MTAP: variants seen among roughly 807,000 people sequenced by gnomAD.
MTAP encodes methylthioadenosine phosphorylase.
Under a neutral mutation model 33.6 loss-of-function variants are expected in MTAP, and 33 were observed. That is an observed-to-expected ratio of 0.98 (90% CI 0.74 to 1.31). The LOEUF (loss-of-function observed/expected upper bound fraction) is 1.31. Among genes scored for constraint, MTAP ranks in the 40% most tolerant of loss-of-function variants. The pLI is 0.00. For synonymous variants in MTAP, 148 were observed against 125.7 expected (o/e 1.18, Z -1.19); for missense variants, 367 against 360.0 (o/e 1.02, Z -0.16).
intron 1 of MTAP, among the ~76,000 whole-genome samples, chr9:21,908,330 A>G (rs1818506948): frequency 6.6e-6 from 1 of 152,124 alleles, no homozygotes; most frequent in Non-Finnish European, 1.5e-5. Context: ...ATAGTGTTGT[A>G]TGGTATGGAT....
At chr9:21,849,023 A>G (rs1279462227) in intron 5 of MTAP, among the ~76,000 whole-genome samples, 1 of 152,208 alleles carries the variant, frequency 6.6e-6, no homozygotes, top group African/African-American at 2.4e-5. Flanking sequence ...GGCCTACTGC[A>G]TTCCTACTTA....
At chr9:21,809,509 G>A (rs1824290747) in intron 1 of MTAP, among the ~76,000 whole-genome samples, 1 of 152,018 alleles carries the variant, frequency 6.6e-6, no homozygotes, top group Non-Finnish European at 1.5e-5. Flanking sequence ...CACGGTGGCA[G>A]CCTCCTGTCA....
rs1445264114 is a variant in MTAP at position 21,862,393 on chromosome 9, G to A, written c.*379G>A. On this transcript the variant is annotated 3_prime_UTR_variant, in exon 8 of 8. Transcript: ENST00000644715. ...TGGGACTCTTTGGTTATTTATTGAT[G>A]CGACTGTAAATTGGTACAGTATTTC... 1 of 169,824 alleles carries A rather than the reference G, an allele frequency of 5.9e-6. No individual in the cohort carries two copies. Among genetic ancestry groups the A allele is most frequent in the Non-Finnish European group, 1.2e-5 (1 of 80,832 alleles). The allele number at this position is 169,824 out of a possible 1,614,324, so 10.5% of individuals were successfully genotyped here.
intron 1 of MTAP, among the ~76,000 whole-genome samples, chr9:21,894,677 A>G (rs1367189762): frequency 6.6e-6 from 1 of 151,856 alleles, no homozygotes; most frequent in Non-Finnish European, 1.5e-5. Flanking sequence ...GCACACCAAT[A>G]TGGCACATGT....
intron 4 of MTAP, among the ~76,000 whole-genome samples, chr9:21,821,025 G>A (rs996951193): frequency 6.6e-6 from 1 of 152,170 alleles, no homozygotes; most frequent in African/African-American, 2.4e-5. Flanking sequence ...GAGATTTTGG[G>A]CTGAGACGAT....
intron 1 of MTAP, chr9:21,893,122 G>A (rs1239359628): frequency 2.0e-5 from 3 of 152,184 alleles, no homozygotes; most frequent in Non-Finnish European, 4.4e-5. Flanking sequence ...CATGGTGAAA[G>A]CAGTGTTAAG....
At chr9:21,895,703 C>G (rs375657748) in intron 1 of MTAP, among the ~76,000 whole-genome samples, 18 of 152,340 alleles carry the variant, frequency 1.2e-4, no homozygotes, top group Admixed American at 9.8e-4. Context: ...CACAGAGCCT[C>G]GCTCACTGCT....
At chr9:21,918,819 T>C (rs1463121196) in intron 1 of MTAP, among the ~76,000 whole-genome samples, 1 of 152,142 alleles carries the variant, frequency 6.6e-6, no homozygotes, top group East Asian at 1.9e-4. Flanking sequence ...CCTTCTGCCA[T>C]GATTGTGAGG....
At chr9:21,877,119 C>T (rs1826023336) in intron 1 of MTAP, among the ~76,000 whole-genome samples, 1 of 151,980 alleles carries the variant, frequency 6.6e-6, no homozygotes, top group South Asian at 2.1e-4. Context: ...CTTCTTGTGG[C>T]AGTTGTGAAT....
chr9:21,905,627 A>G (rs1818464513), intron 1 of MTAP, among the ~76,000 whole-genome samples: 2 of 146,592 alleles, frequency 1.4e-5, no homozygotes, highest in Admixed American at 6.8e-5. Flanking sequence ...GTGAGAGTTC[A>G]GGAAAGTGAA....
chr9:21,878,622 A>T lies in MTAP; in HGVS notation c.147+23752A>T, dbSNP rs554869742. Among the ~76,000 whole-genome samples, 9 of 152,282 alleles carry T rather than the reference A, an allele frequency of 5.9e-5. No individual in the cohort carries two copies. In the East Asian group the frequency reaches 1.5e-3, roughly 26 times the overall value. ...AGTGATCCACCTGCCTTGGCCTCCC[A>T]AAGTGCTGGGATTACAGGCATGAGC... On this transcript the variant is annotated intron_variant, in intron 1 of 1. Transcript: ENST00000577563.
chr9:21,823,048 A>G (rs1241995720), intron 4 of MTAP, among the ~76,000 whole-genome samples: 1 of 152,160 alleles, frequency 6.6e-6, no homozygotes, highest in Non-Finnish European at 1.5e-5. Context: ...GGTCTCCTGA[A>G]TACAGCACAC....
intron 1 of MTAP, chr9:21,811,826 TC>T: frequency 2.0e-6 from 1 of 497,938 alleles, no homozygotes. Context: ...CTTGATCAGA[TC>T]CTAGATAGCA....
intron 1 of MTAP, among the ~76,000 whole-genome samples, chr9:21,928,099 A>G (rs1563873971): frequency 6.6e-6 from 1 of 152,186 alleles, no homozygotes; most frequent in Non-Finnish European, 1.5e-5. Flanking sequence ...CCAATACACT[A>G]AGGAAGAAAT....
chr9:21,809,622 G>C (rs1038018364), intron 1 of MTAP, among the ~76,000 whole-genome samples: 3 of 149,304 alleles, frequency 2.0e-5, no homozygotes, highest in African/African-American at 5.1e-5. Context: ...CTGGGCGACA[G>C]AGTGAGACTC....
intron 4 of MTAP, among the ~76,000 whole-genome samples, chr9:21,824,002 A>G (rs1399803310): frequency 1.3e-5 from 2 of 152,136 alleles, no homozygotes; most frequent in Non-Finnish European, 2.9e-5. Flanking sequence ...CTAGTTAGCC[A>G]TTCGTCTAAT....
rs2118507530 is a variant in MTAP, at chr9:21,854,169, T to G, written c.451-462T>G. Among the ~76,000 whole-genome samples the G allele has an allele frequency of 2.0e-5, 3 of 152,300 alleles. No homozygotes were observed. The Middle Eastern group carries it at 0.01, about 518-fold the overall frequency. On this transcript the variant is annotated intron_variant, in intron 5 of 7. Transcript: ENST00000644715. ...TCTTCAGATTCTGTATTTTTAAAAG[T>G]AATGAGAATTAACTTTTCAGAAGCC... is the stretch of plus-strand genomic sequence containing the variant.
At chr9:21,940,564 A>G (rs1332968686), downstream of MTAP, among the ~76,000 whole-genome samples, 1 of 152,174 alleles carries the variant, frequency 6.6e-6, no homozygotes, top group Non-Finnish European at 1.5e-5. Context: ...ACTTCTACCG[A>G]GCTGACTACA....
intron 4 of MTAP, 115 bp downstream of exon 4, chr9:21,818,317 CTTTTTTTTTTTTTTTT>C (rs35709813): frequency 7.1e-5 from 17 of 240,902 alleles, no homozygotes; most frequent in East Asian, 1.6e-4. Context: ...GACTCGCTTG[CTTTTTTTTTTTTTTTT>C]TTTTTTTTTT....
Sources: allele counts gnomAD v4.1 joint callset (sites outside exome capture counted in the v4.1 genomes callset), GRCh38; gene constraint gnomAD v4.1.1; transcripts MANE v1.5; gene names NCBI Gene and HGNC (gene_info 2026-07-23, HGNC 2026-07-21).